Variants in DCP1B observed in about 807,000 individuals in gnomAD.
DCP1B encodes the protein mRNA-decapping enzyme 1B.
Under a neutral mutation model 60.5 loss-of-function variants are expected in DCP1B, and 47 were observed. That is an observed-to-expected ratio of 0.78 (90% confidence interval 0.61 to 0.99). The LOEUF (loss-of-function observed/expected upper bound fraction) is 0.99, where lower values mean the gene tolerates loss of function less well. Ranked by LOEUF, DCP1B falls within the 50% of genes least tolerant of loss-of-function variation. The probability of loss-of-function intolerance (pLI) is 0.00; values close to 1 mark genes in which losing one functional copy is unlikely to be tolerated. For synonymous variants in DCP1B, 267 were observed against 280.3 expected, an observed-to-expected ratio of 0.95 and a Z score of 0.47; for missense variants, 725 against 756.8, an observed-to-expected ratio of 0.96 and a Z score of 0.49.
At position 1,998,002 on chromosome 12, in the gene DCP1B, G is replaced by A. The variant is rs200292669; in HGVS notation, c.151-27C>T. ...TAAACAATAAAAACAAAACACACAA[G>A]ACATGTATGTTCTCTTCAATTCACA... is the stretch of plus-strand genomic sequence containing the variant. On this transcript the variant is annotated intron_variant, in intron 1 of 8. Coordinates refer to ENST00000280665, the MANE Select transcript of DCP1B (RefSeq NM_152640.5). 744 of 1,593,798 alleles carry A rather than the reference G, an allele frequency of 4.7e-4. 6 individuals carry two copies. The South Asian group carries it at 7.9e-3, about 17-fold the overall frequency.
At chr12:1,963,370 T>A (rs548387357) in intron 5 of DCP1B, among the ~76,000 whole-genome samples, 44 of 152,348 alleles carry the variant, frequency 2.9e-4, no homozygotes, top group Non-Finnish European at 5.9e-4. Context: ...CTCTCCCTCA[T>A]TGACCAGGGC....
intron 7 of DCP1B, among the ~76,000 whole-genome samples, chr12:1,951,569 GGGGGTGGAGGTGGGT>G (rs1439642188): frequency 5.9e-5 from 9 of 152,146 alleles, no homozygotes; most frequent in Non-Finnish European, 1.3e-4. Context: ...AGTTTGTGTG[GGGGGTGGAGGTGGGT>G]GGCATGCATA....
intron 1 of DCP1B, among the ~76,000 whole-genome samples, chr12:2,002,738 A>C (rs2042461654): frequency 6.6e-6 from 1 of 152,188 alleles, no homozygotes; most frequent in African/African-American, 2.4e-5. Context: ...TCTACTACGG[A>C]ATTACTTTTA....
intron 2 of DCP1B, among the ~76,000 whole-genome samples, chr12:1,993,645 T>C (rs768206163): frequency 3.4e-5 from 5 of 149,190 alleles, no homozygotes; most frequent in Non-Finnish European, 7.5e-5. Context: ...TGTGTGTGTG[T>C]GTGTGTGTGT....
intron 3 of DCP1B, among the ~76,000 whole-genome samples, chr12:1,969,092 A>G (rs536289089): frequency 6.6e-6 from 1 of 152,324 alleles, no homozygotes; most frequent in African/African-American, 2.4e-5. Context: ...ATGAAAACCA[A>G]CAAAACATGT....
intron 6 of DCP1B, 70 bp downstream of exon 6, chr12:1,955,362 T>C (rs2030844568): frequency 1.3e-6 from 2 of 1,524,508 alleles, no homozygotes; most frequent in African/African-American, 1.4e-5. Flanking sequence ...CTCCCCTGAC[T>C]ATATTCTGGG....
At chr12:1,942,950 G>T (rs1319250886), downstream of DCP1B, among the ~76,000 whole-genome samples, 2 of 152,140 alleles carry the variant, frequency 1.3e-5, no homozygotes, top group African/African-American at 2.4e-5. Context: ...TAAAATCAGA[G>T]CAGAACTGAA....
chr12:1,966,361 G>A (rs1209185068), intron 4 of DCP1B, among the ~76,000 whole-genome samples: 1 of 152,206 alleles, frequency 6.6e-6, no homozygotes, highest in Non-Finnish European at 1.5e-5. Context: ...TCTGTTGCCT[G>A]GAAAACAATA....
rs796830744 is a variant in DCP1B at position 1,985,035 on chromosome 12, T to TA, written c.319+8228dup. ...GTTTTCTCTGGTTTGCTTTCAAGAT[T>TA]AAAAAAAAAAAAAAATCTTTGTTTT... On this transcript the variant is annotated intron_variant, in intron 3 of 8. Coordinates refer to ENST00000280665, the MANE Select transcript of DCP1B (RefSeq NM_152640.5). Among the ~76,000 whole-genome samples the TA allele has an allele frequency of 4.9e-3, 695 of 142,402 alleles. 2 individuals are homozygous for TA. Among genetic ancestry groups the TA allele is most frequent in the African/African-American group, 6.7e-3 (262 of 38,900 alleles). The allele number at this position is 142,402 out of a possible 152,430, so 93.4% of individuals were successfully genotyped here. A position where few individuals can be genotyped will look rare whatever the true frequency, so the allele number is the denominator to read the frequency against.
chr12:1,996,281 A>C (rs2040767359), intron 2 of DCP1B, among the ~76,000 whole-genome samples: 1 of 152,152 alleles, frequency 6.6e-6, no homozygotes, highest in South Asian at 2.1e-4. Context: ...CTGCTAAGAA[A>C]ATAATCTCAA....
At chr12:1,969,118 A>G (rs1329314222) in intron 3 of DCP1B, among the ~76,000 whole-genome samples, 2 of 152,238 alleles carry the variant, frequency 1.3e-5, no homozygotes, top group African/African-American at 4.8e-5. Flanking sequence ...CAAGGGAAAA[A>G]AGACTTTAAA....
At chr12:1,983,160 T>TTG (rs1470710881) in intron 3 of DCP1B, among the ~76,000 whole-genome samples, 1 of 151,978 alleles carries the variant, frequency 6.6e-6, no homozygotes, top group Non-Finnish European at 1.5e-5. Flanking sequence ...GGCCAGGTGT[T>TTG]TACCAGTTTT....
chr12:1,983,307 C>T lies in DCP1B; in HGVS notation c.319+9957G>A, dbSNP rs567061176. ...GCTTTGGATTTAATATACTCTTCTC[C>T]TATTTTCTTTAAGTGAACGTTTGAA... On this transcript the variant is annotated intron_variant, in intron 3 of 8. Transcript: ENST00000280665. Among the ~76,000 whole-genome samples, 3 of 151,698 alleles carry T rather than the reference C, an allele frequency of 2.0e-5. No individual in the cohort carries two copies. The South Asian group carries it at 6.2e-4, about 32-fold the overall frequency.
chr12:1,972,103 T>C (rs1308775650), intron 3 of DCP1B, among the ~76,000 whole-genome samples: 1 of 152,232 alleles, frequency 6.6e-6, no homozygotes, highest in Non-Finnish European at 1.5e-5. Flanking sequence ...TTCTTAGCAT[T>C]CAGCAAGGAA....
intron 7 of DCP1B, 97 bp downstream of exon 7, chr12:1,952,319 G>T: frequency 7.1e-7 from 1 of 1,402,638 alleles, no homozygotes. Context: ...TGCTATAGGC[G>T]TGTGACACCA....
intron 3 of DCP1B, among the ~76,000 whole-genome samples, chr12:1,988,080 G>A (rs2038316925): frequency 6.6e-6 from 1 of 152,176 alleles, no homozygotes; most frequent in South Asian, 2.1e-4. Flanking sequence ...TTTGCTCTGG[G>A]AGATTCCCTT....
intron 1 of DCP1B, among the ~76,000 whole-genome samples, chr12:2,001,097 A>C (rs2042105569): frequency 6.6e-6 from 1 of 152,142 alleles, no homozygotes; most frequent in African/African-American, 2.4e-5. Context: ...TGATGAAAAA[A>C]CGTCAGGCGC....
At chr12:1,977,362 A>G (rs1002090043) in intron 3 of DCP1B, among the ~76,000 whole-genome samples, 8 of 152,330 alleles carry the variant, frequency 5.3e-5, no homozygotes, top group African/African-American at 1.9e-4. Context: ...AGTGGGAAAC[A>G]GGAAGACATT....
Position 1,958,531 on chromosome 12 carries a change from C to G in DCP1B, c.523-2971G>C, listed in dbSNP as rs113689180. On this transcript the variant is annotated intron_variant, in intron 5 of 8. Transcript: ENST00000280665. Reference sequence around the variant, plus strand: ...GGAAAAGCTCCCTAACGTCGCTCTGCGCAATGGCTTTTTCTATAAACCTCC... The same window carrying G: ...GGAAAAGCTCCCTAACGTCGCTCTGGGCAATGGCTTTTTCTATAAACCTCC... Among the ~76,000 whole-genome samples, 264 of 59,310 alleles carry G rather than the reference C, an allele frequency of 4.5e-3. 2 individuals are homozygous for G. The highest frequency in any genetic ancestry group is 9.6e-3 in the South Asian group (15 of 1,558). 38.9% of individuals were successfully genotyped at this position (59,310 alleles called of 152,430 possible).
Sources: allele counts gnomAD v4.1 joint callset (sites outside exome capture counted in the v4.1 genomes callset), GRCh38; gene constraint gnomAD v4.1.1; transcripts MANE v1.5; gene names NCBI Gene and HGNC (gene_info 2026-07-23, HGNC 2026-07-21).